MBNL1: variants seen among roughly 807,000 people sequenced by gnomAD.
MBNL1 encodes the protein muscleblind-like protein 1.
Under a neutral mutation model 42.2 loss-of-function variants are expected in MBNL1, and 8 were observed. The ratio of observed to expected loss-of-function variants is 0.19; its 90% CI spans 0.11 to 0.34. MBNL1 has a LOEUF of 0.34. Ranked by LOEUF, MBNL1 falls within the 10% of genes least tolerant of loss-of-function variation. The pLI, the probability that MBNL1 is intolerant of heterozygous loss-of-function variation, is 1.00. For missense variants in MBNL1, 309 were observed against 495.3 expected (o/e 0.62, Z 3.57); for synonymous variants, 169 against 173.9 (o/e 0.97, Z 0.22).
chr3:152,248,699 G>A (rs2033767791), intron 2 of MBNL1, among the ~76,000 whole-genome samples: 1 of 151,792 alleles, frequency 6.6e-6, no homozygotes, highest in Non-Finnish European at 1.5e-5. Flanking sequence ...CATGTGCCAT[G>A]CTGGTTTGCT....
intron 2 of MBNL1, among the ~76,000 whole-genome samples, chr3:152,367,874 T>G (rs188135497): frequency 2.7e-4 from 41 of 152,260 alleles, no homozygotes; most frequent in Admixed American, 1.9e-3. Flanking sequence ...TTTGATGGTT[T>G]TTTTTTCTTG....
At chr3:152,256,756 AT>A (rs2035494132) in intron 2 of MBNL1, among the ~76,000 whole-genome samples, 1 of 152,196 alleles carries the variant, frequency 6.6e-6, no homozygotes, top group South Asian at 2.1e-4. Flanking sequence ...CTCAATATTT[AT>A]TTGTTAGGAA....
intron 2 of MBNL1, among the ~76,000 whole-genome samples, chr3:152,401,145 C>T (rs897275062): frequency 3.9e-5 from 6 of 152,090 alleles, no homozygotes; most frequent in African/African-American, 1.4e-4. Context: ...AGCTGGACAC[C>T]CAGAAATGCC....
At chr3:152,392,832 T>C (rs916088810) in intron 2 of MBNL1, among the ~76,000 whole-genome samples, 6 of 152,234 alleles carry the variant, frequency 3.9e-5, no homozygotes, top group Admixed American at 3.3e-4. Context: ...AGGGAAACTT[T>C]ATATGAGATG....
chr3:152,266,560 C>T (rs183876483), upstream of MBNL1: 1 of 152,282 alleles, frequency 6.6e-6, no homozygotes. Flanking sequence ...TAAATTTCTA[C>T]CACTAGGATT....
intron 1 of MBNL1, among the ~76,000 whole-genome samples, chr3:152,275,754 A>T (rs1288195157): frequency 6.7e-6 from 1 of 149,356 alleles, no homozygotes; most frequent in Non-Finnish European, 1.5e-5. Context: ...TATACCAGGC[A>T]GGTAGAAAAA....
intron 2 of MBNL1, among the ~76,000 whole-genome samples, chr3:152,350,226 C>G (rs1389622113): frequency 6.6e-6 from 1 of 152,032 alleles, no homozygotes; most frequent in Admixed American, 6.6e-5. Context: ...CAGAAAGTAA[C>G]TAGTTATTCT....
chr3:152,270,486 ATCTC>A (rs200630671), intron 1 of MBNL1, among the ~76,000 whole-genome samples: 251 of 152,292 alleles, frequency 1.6e-3, no homozygotes, highest in African/African-American at 5.6e-3. Flanking sequence ...CTCCACAGTT[ATCTC>A]TCTGTGTGGA....
chr3:152,332,712 G>GT (rs1459419906), intron 2 of MBNL1, among the ~76,000 whole-genome samples: 1 of 123,850 alleles, frequency 8.1e-6, no homozygotes, highest in East Asian at 2.1e-4. Context: ...GTGTGTGTGT[G>GT]TGTGTGTGTG....
chr3:152,379,809 T>G (rs1161384587), intron 2 of MBNL1, among the ~76,000 whole-genome samples: 1 of 152,048 alleles, frequency 6.6e-6, no homozygotes. Context: ...GAACAATGAG[T>G]CAGAAGATAG....
chr3:152,277,697 C>G (rs954874970), intron 1 of MBNL1, among the ~76,000 whole-genome samples: 8 of 151,974 alleles, frequency 5.3e-5, no homozygotes, highest in Non-Finnish European at 8.8e-5. Context: ...ACCTTACAAG[C>G]TTTTTACAAA....
At chr3:152,391,143 G>T (rs139010684) in intron 2 of MBNL1, among the ~76,000 whole-genome samples, 1 of 152,184 alleles carries the variant, frequency 6.6e-6, no homozygotes, top group Non-Finnish European at 1.5e-5. Context: ...GTACAAGGCC[G>T]CAGGGCTGGT....
At chr3:152,265,251 C>T (rs2036999950), upstream of MBNL1, 1 of 152,188 alleles carries the variant, frequency 6.6e-6, no homozygotes, top group South Asian at 2.1e-4. Flanking sequence ...GATTAGGAAG[C>T]ACAGGACATG....
At chr3:152,379,801 A>G (rs1417134000) in intron 2 of MBNL1, among the ~76,000 whole-genome samples, 2 of 152,124 alleles carry the variant, frequency 1.3e-5, no homozygotes, top group Non-Finnish European at 2.9e-5. Flanking sequence ...ATTCAGATGA[A>G]CAATGAGTCA....
At chr3:152,313,226 T>C (rs2068091411) in intron 2 of MBNL1, among the ~76,000 whole-genome samples, 1 of 152,116 alleles carries the variant, frequency 6.6e-6, no homozygotes, top group Non-Finnish European at 1.5e-5. Flanking sequence ...GGTTTCACCA[T>C]GTTGGCCAGG....
intron 2 of MBNL1, among the ~76,000 whole-genome samples, chr3:152,347,032 A>C (rs967016241): frequency 6.6e-6 from 1 of 152,086 alleles, no homozygotes; most frequent in African/African-American, 2.4e-5. Flanking sequence ...TTTTTTAAAA[A>C]TAAGAATAAA....
At chr3:152,279,043 G>T (rs776443643) in intron 1 of MBNL1, among the ~76,000 whole-genome samples, 22 of 152,266 alleles carry the variant, frequency 1.4e-4, no homozygotes, top group South Asian at 4.1e-4. Flanking sequence ...GGGGGCATCT[G>T]TCATAGGCCC....
intron 3 of MBNL1, among the ~76,000 whole-genome samples, chr3:152,420,626 A>C (rs753823571): frequency 1.3e-5 from 2 of 152,226 alleles, no homozygotes; most frequent in Non-Finnish European, 2.9e-5. Context: ...ACCAACATCA[A>C]AGACCAAAGG....
chr3:152,321,384 T>C (rs1269969942), intron 2 of MBNL1, among the ~76,000 whole-genome samples: 2 of 152,148 alleles, frequency 1.3e-5, no homozygotes, highest in East Asian at 3.8e-4. Context: ...ATAAAAGTCA[T>C]TTGCTTAGAG....
Sources: gnomAD v4.1 joint callset for allele counts (sites outside exome capture counted in the v4.1 genomes callset) on GRCh38, gnomAD v4.1.1 for gene constraint, MANE v1.5 for transcripts, NCBI Gene and HGNC (gene_info 2026-07-23, HGNC 2026-07-21) for gene names.